Variants in PLSCR2 observed in about 807,000 individuals in gnomAD.
The protein encoded by PLSCR2 is phospholipid scramblase 2.
Under a neutral mutation model 25.3 loss-of-function variants are expected in PLSCR2, and 18 were observed. That is an observed-to-expected ratio of 0.71 (90% CI 0.49 to 1.06). The LOEUF is 1.06. Among genes scored for constraint, PLSCR2 ranks in the 50% least tolerant of loss-of-function variants. The pLI, the probability that PLSCR2 is intolerant of heterozygous loss-of-function variation, is 0.00. For missense variants in PLSCR2, 243 were observed against 269.5 expected (o/e 0.90, Z 0.69); for synonymous variants, 88 against 87.3 (o/e 1.01, Z -0.04).
intron 2 of PLSCR2, among the ~76,000 whole-genome samples, chr3:146,423,625 T>C (rs927529252): frequency 1.3e-5 from 2 of 152,022 alleles, no homozygotes; most frequent in African/African-American, 4.8e-5. Flanking sequence ...CCTTAAAATA[T>C]TTTAGATAAT....
chr3:146,394,605 A>T (rs1410754725), intron 3 of PLSCR2, among the ~76,000 whole-genome samples: 1 of 152,092 alleles, frequency 6.6e-6, no homozygotes, highest in African/African-American at 2.4e-5. Context: ...TAATTACAGA[A>T]GGTTTACAAA....
intron 1 of PLSCR2, among the ~76,000 whole-genome samples, chr3:146,465,670 T>C (rs952110440): frequency 1.3e-5 from 2 of 152,032 alleles, no homozygotes; most frequent in African/African-American, 4.8e-5. Flanking sequence ...AATTCTACCA[T>C]TCTGAAAACA....
chr3:146,409,136 G>A (rs1020427052), intron 2 of PLSCR2, among the ~76,000 whole-genome samples: 1 of 152,086 alleles, frequency 6.6e-6, no homozygotes, highest in African/African-American at 2.4e-5. Flanking sequence ...AATTATACAA[G>A]TCAGAAGTAG....
intron 1 of PLSCR2, among the ~76,000 whole-genome samples, chr3:146,474,537 C>A (rs35296568): frequency 0.32 from 49,183 of 151,878 alleles, 8,036 homozygotes; most frequent in South Asian, 0.42. Context: ...TGCAGGAGAC[C>A]ATGCTGTTCT....
intron 1 of PLSCR2, among the ~76,000 whole-genome samples, chr3:146,467,168 G>A (rs1339035209): frequency 1.3e-5 from 2 of 152,112 alleles, no homozygotes; most frequent in Non-Finnish European, 2.9e-5. Flanking sequence ...ATGTATAAAT[G>A]TATAAGTACA....
At chr3:146,470,058 G>A (rs559853181) in intron 1 of PLSCR2, among the ~76,000 whole-genome samples, 2 of 152,178 alleles carry the variant, frequency 1.3e-5, no homozygotes, top group South Asian at 4.2e-4. Context: ...CAAAAGAGGA[G>A]CGGTCGAGAT....
chr3:146,451,107 CTTTTTTTTTTTT>C (rs58373001), intron 5 of PLSCR2, among the ~76,000 whole-genome samples: 9 of 79,500 alleles, frequency 1.1e-4, no homozygotes, highest in Admixed American at 8.8e-4. Flanking sequence ...ATTAAGTTTT[CTTTTTTTTTTTT>C]TTTTTTTTTT....
At chr3:146,401,728 A>T in intron 2 of PLSCR2, among the ~76,000 whole-genome samples, 1 of 152,108 alleles carries the variant, frequency 6.6e-6, no homozygotes, top group East Asian at 1.9e-4. Flanking sequence ...AAGAAAAATG[A>T]GAGATAGGCT....
intron 2 of PLSCR2, among the ~76,000 whole-genome samples, chr3:146,408,835 TG>T (rs1361376478): frequency 6.6e-6 from 1 of 152,162 alleles, no homozygotes; most frequent in Non-Finnish European, 1.5e-5. Context: ...GAGGAGATAC[TG>T]GTGAAAATCA....
intron 8 of PLSCR2, among the ~76,000 whole-genome samples, chr3:146,434,261 G>A (rs1365897311): frequency 6.6e-6 from 1 of 152,036 alleles, no homozygotes; most frequent in African/African-American, 2.4e-5. Flanking sequence ...ACTGAACACT[G>A]TTCTAAATTG....
chr3:146,494,086 C>T (rs972598070), intron 1 of PLSCR2, among the ~76,000 whole-genome samples: 5 of 152,026 alleles, frequency 3.3e-5, no homozygotes, highest in African/African-American at 1.2e-4. Context: ...GATAGTTTCA[C>T]ATTTTTTAAG....
chr3:146,475,111 T>C (rs1195948377), intron 1 of PLSCR2, among the ~76,000 whole-genome samples: 3 of 152,136 alleles, frequency 2.0e-5, no homozygotes, highest in African/African-American at 7.2e-5. Context: ...TGTAGTTTTC[T>C]ATTACTCATC....
intron 1 of PLSCR2, among the ~76,000 whole-genome samples, chr3:146,486,956 G>T (rs1402620715): frequency 6.6e-6 from 1 of 152,108 alleles, no homozygotes; most frequent in Non-Finnish European, 1.5e-5. Flanking sequence ...CCATCAAAAA[G>T]TTTATCCACC....
chr3:146,475,838 G>C (rs932895953), intron 1 of PLSCR2, among the ~76,000 whole-genome samples: 1 of 152,142 alleles, frequency 6.6e-6, no homozygotes, highest in African/African-American at 2.4e-5. Context: ...AGCCAGACGA[G>C]AGAGATTATT....
chr3:146,444,921 A>G (rs1002652022), intron 6 of PLSCR2, among the ~76,000 whole-genome samples: 24 of 151,976 alleles, frequency 1.6e-4, no homozygotes, highest in Non-Finnish European at 2.7e-4. Flanking sequence ...TTCTGTATGT[A>G]TCTTTTCTAC....
At chr3:146,404,824 G>A (rs531057062) in intron 2 of PLSCR2, among the ~76,000 whole-genome samples, 6 of 148,864 alleles carry the variant, frequency 4.0e-5, no homozygotes, top group East Asian at 2.0e-4. Flanking sequence ...AAAAAAAAGG[G>A]GGGGGGTGGT....
intron 2 of PLSCR2, among the ~76,000 whole-genome samples, chr3:146,418,903 T>C (rs1183412148): frequency 6.6e-6 from 1 of 152,154 alleles, no homozygotes; most frequent in African/African-American, 2.4e-5. Context: ...AAAGAGTCCT[T>C]TGTGTGATTG....
intron 3 of PLSCR2, among the ~76,000 whole-genome samples, chr3:146,392,752 G>T (rs1269163910): frequency 6.6e-6 from 1 of 151,040 alleles, no homozygotes; most frequent in African/African-American, 2.4e-5. Context: ...TGCTTTGAAA[G>T]ACCTATTTTG....
rs574874235 is a variant in PLSCR2, at chr3:146,426,697, T to C, written c.101-30776A>G. On this transcript the variant is annotated intron_variant and NMD_transcript_variant, in intron 2 of 3. Transcript: ENST00000463633. ...AAAGCAGATAAATATTATTTAGTACTTTAATTAAAGATTAATTTAAAAATA... is the reference window on the plus strand; with the variant it reads ...AAAGCAGATAAATATTATTTAGTACCTTAATTAAAGATTAATTTAAAAATA... Among the ~76,000 whole-genome samples the C allele has an allele frequency of 5.3e-5, 8 of 152,330 alleles. No homozygotes were observed. In the South Asian group the frequency reaches 1.0e-3, roughly 20 times the overall value.
Sources: gnomAD v4.1 joint callset for allele counts (sites outside exome capture counted in the v4.1 genomes callset) on GRCh38, gnomAD v4.1.1 for gene constraint, MANE v1.5 for transcripts, NCBI Gene and HGNC (gene_info 2026-07-23, HGNC 2026-07-21) for gene names.